The following ROBO2 variants were observed in gnomAD, a reference collection of about 807,000 sequenced individuals.
ROBO2 encodes the protein roundabout homolog 2.
ROBO2 carries 53 observed loss-of-function variants against 160.8 expected under a neutral mutation model. The ratio of observed to expected loss-of-function variants is 0.33; its 90% CI spans 0.26 to 0.41. The LOEUF (loss-of-function observed/expected upper bound fraction) is 0.41, where lower values mean the gene tolerates loss of function less well. Among genes scored for constraint, ROBO2 ranks in the 10% least tolerant of loss-of-function variants. The pLI, the probability that ROBO2 is intolerant of heterozygous loss-of-function variation, is 1.00. For synonymous variants in ROBO2, 664 were observed against 611.7 expected, an observed-to-expected ratio of 1.09 and a Z score of -1.26; for missense variants, 1,577 against 1,722.4, an observed-to-expected ratio of 0.92 and a Z score of 1.49.
At chr3:76,437,322 A>C (rs1313544503) in intron 2 of ROBO2, among the ~76,000 whole-genome samples, 1 of 152,186 alleles carries the variant, frequency 6.6e-6, no homozygotes, top group African/African-American at 2.4e-5. Context: ...CTCTAGTTAG[A>C]GTTGGTCACC....
intron 2 of ROBO2, among the ~76,000 whole-genome samples, chr3:76,199,583 A>G (rs1449148602): frequency 6.6e-6 from 1 of 152,154 alleles, no homozygotes; most frequent in African/African-American, 2.4e-5. Context: ...CAAATGGATA[A>G]TGGCCAGACC....
At chr3:77,562,136 T>G (rs760137900) in intron 9 of ROBO2, among the ~76,000 whole-genome samples, 1 of 149,928 alleles carries the variant, frequency 6.7e-6, no homozygotes, top group Non-Finnish European at 1.5e-5. Context: ...TCTTCTTCAC[T>G]TTTTTCCATG....
chr3:76,364,098 T>C (rs1242182704), intron 2 of ROBO2, among the ~76,000 whole-genome samples: 1 of 152,122 alleles, frequency 6.6e-6, no homozygotes, highest in Admixed American at 6.6e-5. Context: ...TCACATTATA[T>C]GTTCCAGCTA....
At chr3:77,464,543 C>T (rs2082571230) in intron 2 of ROBO2, among the ~76,000 whole-genome samples, 1 of 152,098 alleles carries the variant, frequency 6.6e-6, no homozygotes, top group Admixed American at 6.6e-5. Flanking sequence ...CTTAGAGTTA[C>T]AGGGGGAGGA....
intron 2 of ROBO2, among the ~76,000 whole-genome samples, chr3:76,414,620 G>A (rs2075664160): frequency 8.9e-6 from 1 of 111,976 alleles, no homozygotes; most frequent in Non-Finnish European, 1.7e-5. Flanking sequence ...CTGTGGTGGG[G>A]AGGGGGGAGG....
At chr3:77,082,126 AG>A (rs1488940292) in intron 1 of ROBO2, among the ~76,000 whole-genome samples, 3 of 152,230 alleles carry the variant, frequency 2.0e-5, no homozygotes, top group African/African-American at 7.2e-5. Flanking sequence ...AAATTTAAAA[AG>A]GAGAGGGAAA....
intron 2 of ROBO2, among the ~76,000 whole-genome samples, chr3:77,108,421 C>T (rs2073143866): frequency 6.6e-6 from 1 of 152,004 alleles, no homozygotes; most frequent in Non-Finnish European, 1.5e-5. Context: ...TATGTGACCC[C>T]CCCCTACCTT....
At chr3:76,514,090 CTT>C (rs1008989203) in intron 2 of ROBO2, among the ~76,000 whole-genome samples, 2 of 152,124 alleles carry the variant, frequency 1.3e-5, no homozygotes, top group Non-Finnish European at 1.5e-5. Flanking sequence ...ACCTGTCACT[CTT>C]TTATTTTAAA....
chr3:76,940,207 C>T (rs923110691), intron 2 of ROBO2, among the ~76,000 whole-genome samples: 1 of 152,094 alleles, frequency 6.6e-6, no homozygotes, highest in Non-Finnish European at 1.5e-5. Context: ...TGGTCTCGAT[C>T]TCTTGACCTC....
At chr3:77,486,723 A>T (rs774908890) in intron 4 of ROBO2, among the ~76,000 whole-genome samples, 6 of 151,924 alleles carry the variant, frequency 3.9e-5, no homozygotes, top group Non-Finnish European at 7.4e-5. Context: ...TTGTCCGTTC[A>T]CTCTGATAGT....
At chr3:76,062,164 G>A (rs967138936) in intron 2 of ROBO2, among the ~76,000 whole-genome samples, 3 of 152,024 alleles carry the variant, frequency 2.0e-5, no homozygotes, top group South Asian at 2.1e-4. Flanking sequence ...TGGGGGATAC[G>A]GCCTAGTTCT....
At chr3:77,617,519 C>A (rs2094807241) in exon 22 of ROBO2, 3 of 1,613,948 alleles carry the variant, frequency 1.9e-6, no homozygotes, top group Non-Finnish European at 2.5e-6. Flanking sequence ...TCAGCTATGA[C>A]AGTGATAGCT....
At chr3:76,779,544 A>C (rs1318496776) in intron 2 of ROBO2, among the ~76,000 whole-genome samples, 1 of 150,814 alleles carries the variant, frequency 6.6e-6, no homozygotes, top group African/African-American at 2.4e-5. Context: ...CTATTCTACT[A>C]TCTGCTTCTA....
At chr3:77,027,696 AGGGT>A (rs2063055778) in intron 2 of ROBO2, among the ~76,000 whole-genome samples, 1 of 152,154 alleles carries the variant, frequency 6.6e-6, no homozygotes, top group Non-Finnish European at 1.5e-5. Flanking sequence ...CGGACCGTGG[AGGGT>A]CCAATTCAGA....
chr3:76,017,125 A>G (rs1270095678), intron 2 of ROBO2, among the ~76,000 whole-genome samples: 2 of 152,192 alleles, frequency 1.3e-5, no homozygotes, highest in South Asian at 2.1e-4. Flanking sequence ...GTCCTAGCCA[A>G]CTACAACAAT....
At chr3:76,616,119 A>G (rs554541701) in intron 2 of ROBO2, among the ~76,000 whole-genome samples, 2 of 152,360 alleles carry the variant, frequency 1.3e-5, no homozygotes, top group African/African-American at 4.8e-5. Flanking sequence ...TCCAGTAACT[A>G]TAGCTCAATG....
chr3:77,239,238 G>C (rs1191751295), intron 2 of ROBO2, among the ~76,000 whole-genome samples: 1 of 152,122 alleles, frequency 6.6e-6, no homozygotes, highest in Non-Finnish European at 1.5e-5. Flanking sequence ...TTGGGTTCGT[G>C]GTCTCGCTGA....
chr3:77,369,063 G>A (rs1560642605), intron 2 of ROBO2, among the ~76,000 whole-genome samples: 1 of 152,142 alleles, frequency 6.6e-6, no homozygotes, highest in East Asian at 1.9e-4. Flanking sequence ...ATAAGAGATA[G>A]AACTAGTATC....
chr3:77,173,131 G>A (rs1305853268), intron 2 of ROBO2, among the ~76,000 whole-genome samples: 3 of 152,138 alleles, frequency 2.0e-5, no homozygotes, highest in East Asian at 1.9e-4. Context: ...AATATTTAAC[G>A]ACTTTGGAAG....
Sources: allele counts gnomAD v4.1 joint callset (sites outside exome capture counted in the v4.1 genomes callset), GRCh38; gene constraint gnomAD v4.1.1; transcripts MANE v1.5; gene names NCBI Gene and HGNC (gene_info 2026-07-23, HGNC 2026-07-21).